Variants in LRRC1 observed in about 807,000 individuals in gnomAD.
The protein encoded by LRRC1 is leucine rich repeat containing 1, also known as leucine-rich repeat-containing protein 1.
A neutral mutation model predicts 69.9 loss-of-function variants in LRRC1; 28 were observed. The observed-to-expected ratio is 0.40, with a 90% CI of 0.30 to 0.55. The LOEUF is 0.55. Among genes scored for constraint, LRRC1 ranks in the 20% least tolerant of loss-of-function variants. The pLI is 0.47. For synonymous variants in LRRC1, 236 were observed against 240.2 expected (o/e 0.98, Z 0.16); for missense variants, 498 against 609.0 (o/e 0.82, Z 1.92).
At chr6:53,874,946 C>T (rs773818256) in intron 2 of LRRC1, among the ~76,000 whole-genome samples, 2 of 152,082 alleles carry the variant, frequency 1.3e-5, no homozygotes, top group Non-Finnish European at 1.5e-5. Context: ...GGAAAATGTT[C>T]AGCTGCAATA....
chr6:53,895,790 C>T (rs1767849583), intron 4 of LRRC1, among the ~76,000 whole-genome samples: 1 of 152,190 alleles, frequency 6.6e-6, no homozygotes, highest in Admixed American at 6.5e-5. Context: ...TGGATTACAT[C>T]CAAGAGGCTG....
In LRRC1 at chr6:53,815,019, G is replaced by A. The variant is rs866991583; in HGVS notation, c.159+19604G>A. On this transcript the variant is annotated intron_variant, in intron 1 of 13. Coordinates refer to ENST00000370888, the MANE Select transcript of LRRC1 (RefSeq NM_018214.5). ...CTTTCTTTGGCTGGTCACTTGTTGC[G>A]GGGAGCACAACAGTCGTTTGGACTG... Among the ~76,000 whole-genome samples, 55 of 152,234 alleles carry A rather than the reference G, an allele frequency of 3.6e-4. 1 individual carries two copies. The highest frequency in any genetic ancestry group is 1.2e-3 in the African/African-American group (50 of 41,542).
At chr6:53,884,104 ACT>A (rs1362045519) in intron 4 of LRRC1, 1 of 674,216 alleles carries the variant, frequency 1.5e-6, no homozygotes, top group Admixed American at 2.3e-5. Flanking sequence ...CCCTCAATAC[ACT>A]CTAGGTGTAT....
intron 1 of LRRC1, among the ~76,000 whole-genome samples, chr6:53,840,493 G>C (rs887898292): frequency 6.6e-6 from 1 of 151,830 alleles, no homozygotes; most frequent in Non-Finnish European, 1.5e-5. Context: ...TTGGTCGCAT[G>C]GTGGGCCCTC....
chr6:53,824,023 C>T lies in LRRC1; in HGVS notation c.160-18087C>T, dbSNP rs144148184. Among the ~76,000 whole-genome samples the T allele has an allele frequency of 7.4e-4, 112 of 151,936 alleles. 2 individuals carry two copies. The highest frequency in any genetic ancestry group is 2.3e-3 in the East Asian group (12 of 5,172). ...TATATACTCAGTAATGGTATTGATG[C>T]TTTGAGTGGTAGTTCTGTTTTTAGG... is the stretch of plus-strand genomic sequence containing the variant. On this transcript the variant is annotated intron_variant, in intron 1 of 13. Transcript: ENST00000370888.
intron 3 of LRRC1, among the ~76,000 whole-genome samples, chr6:53,879,357 TG>T (rs1343032176): frequency 6.6e-6 from 1 of 152,130 alleles, no homozygotes; most frequent in Non-Finnish European, 1.5e-5. Context: ...TGTGAAGAGT[TG>T]TAGTGCAACC....
chr6:53,874,837 C>CT (rs1225792454), intron 2 of LRRC1, among the ~76,000 whole-genome samples: 1 of 151,982 alleles, frequency 6.6e-6, no homozygotes, highest in Non-Finnish European at 1.5e-5. Flanking sequence ...TTTTAAAGGC[C>CT]TAAAAGCTAT....
intron 1 of LRRC1, among the ~76,000 whole-genome samples, chr6:53,841,486 C>T (rs1202951027): frequency 1.3e-5 from 2 of 152,002 alleles, no homozygotes; most frequent in African/African-American, 4.8e-5. Context: ...GGGCTTATTT[C>T]ACATTATATT....
At chr6:53,867,493 G>A (rs977939730) in intron 2 of LRRC1, among the ~76,000 whole-genome samples, 12 of 152,082 alleles carry the variant, frequency 7.9e-5, no homozygotes, top group African/African-American at 2.9e-4. Context: ...AGCTTAGAGT[G>A]GGGTCAGAAT....
intron 10 of LRRC1, among the ~76,000 whole-genome samples, chr6:53,905,946 C>T (rs1377795083): frequency 6.6e-6 from 1 of 152,136 alleles, no homozygotes; most frequent in Non-Finnish European, 1.5e-5. Flanking sequence ...AGCAATAAAC[C>T]AAAATACAGA....
intron 1 of LRRC1, among the ~76,000 whole-genome samples, chr6:53,832,371 A>G (rs146367393): frequency 9.2e-4 from 140 of 152,280 alleles, no homozygotes; most frequent in African/African-American, 3.3e-3. Flanking sequence ...CAAACCTTGC[A>G]CATAGTTGGC....
chr6:53,862,423 A>C (rs370935492), intron 2 of LRRC1, among the ~76,000 whole-genome samples: 1 of 151,940 alleles, frequency 6.6e-6, no homozygotes, highest in South Asian at 2.1e-4. Flanking sequence ...CCTCACATTT[A>C]ATATTCTGGA....
intron 1 of LRRC1, among the ~76,000 whole-genome samples, chr6:53,826,947 A>G (rs1279223800): frequency 6.6e-6 from 1 of 152,134 alleles, no homozygotes; most frequent in Non-Finnish European, 1.5e-5. Context: ...CAACTTGCAT[A>G]AGGTATATTT....
intron 2 of LRRC1, among the ~76,000 whole-genome samples, chr6:53,860,446 A>G (rs1766458083): frequency 6.6e-6 from 1 of 152,200 alleles, no homozygotes; most frequent in South Asian, 2.1e-4. Flanking sequence ...TAAGCTCTTA[A>G]GCTCTTTACA....
intron 3 of LRRC1, among the ~76,000 whole-genome samples, chr6:53,880,453 CCCCTCCA>C (rs1767252990): frequency 6.6e-6 from 1 of 152,108 alleles, no homozygotes; most frequent in South Asian, 2.1e-4. Flanking sequence ...CCTCTTCTTG[CCCCTCCA>C]TCTGACTTTG....
chr6:53,832,899 CT>C (rs1250484194), intron 1 of LRRC1, among the ~76,000 whole-genome samples: 1 of 152,002 alleles, frequency 6.6e-6, no homozygotes, highest in Non-Finnish European at 1.5e-5. Flanking sequence ...TTTTACATTT[CT>C]TTTTTCCCTT....
rs1287303373 is a variant in LRRC1 at position 53,846,230 on chromosome 6, A to G, written c.277+4003A>G. On this transcript the variant is annotated intron_variant, in intron 2 of 13. Transcript: ENST00000370888. ...TTTCTGACATTTTAGGCGCAAAGTC[A>G]AGGGAATTGTGTGCTGTGTTGGAAA... Among the ~76,000 whole-genome samples, 5 of 152,232 alleles carry G rather than the reference A, an allele frequency of 3.3e-5. No homozygotes were observed. The South Asian group carries it at 8.3e-4, about 25-fold the overall frequency.
chr6:53,882,562 A>G (rs9463991), intron 3 of LRRC1, among the ~76,000 whole-genome samples: 97 of 152,126 alleles, frequency 6.4e-4, no homozygotes, highest in African/African-American at 2.2e-3. Context: ...ATAATTCATC[A>G]TTTTCTTTCA....
At chr6:53,828,477 C>A (rs1274688621) in intron 1 of LRRC1, among the ~76,000 whole-genome samples, 3 of 152,228 alleles carry the variant, frequency 2.0e-5, no homozygotes, top group African/African-American at 7.2e-5. Context: ...TCTAGGCCTC[C>A]TCTCTCACCC....
Sources: gnomAD v4.1 joint callset for allele counts (sites outside exome capture counted in the v4.1 genomes callset) on GRCh38, gnomAD v4.1.1 for gene constraint, MANE v1.5 for transcripts, NCBI Gene and HGNC (gene_info 2026-07-23, HGNC 2026-07-21) for gene names.